Variants in PKHD1 observed in about 807,000 individuals in gnomAD.
The protein encoded by PKHD1 is PKHD1 ciliary IPT domain containing fibrocystin/polyductin, also known as fibrocystin.
PKHD1 carries 291 observed loss-of-function variants against 412.0 expected under a neutral mutation model. The ratio of observed to expected loss-of-function variants is 0.71; its 90% CI spans 0.64 to 0.78. PKHD1 has a LOEUF of 0.78. Among genes scored for constraint, PKHD1 ranks in the 30% least tolerant of loss-of-function variants. PKHD1 has a pLI of 0.00. For missense variants in PKHD1, 4,825 were observed against 4,950.7 expected, an observed-to-expected ratio of 0.97 and a Z score of 0.76; for synonymous variants, 1,777 against 1,821.5, an observed-to-expected ratio of 0.98 and a Z score of 0.62.
At chr6:51,896,418 C>A (rs573976413) in intron 43 of PKHD1, among the ~76,000 whole-genome samples, 7 of 152,010 alleles carry the variant, frequency 4.6e-5, no homozygotes, top group Non-Finnish European at 8.8e-5. Flanking sequence ...ACACCTCACA[C>A]GGCAGGGTAC....
At chr6:51,982,170 C>CT in intron 35 of PKHD1, among the ~76,000 whole-genome samples, 1 of 42,552 alleles carries the variant, frequency 2.4e-5, no homozygotes, top group African/African-American at 7.7e-5. Context: ...GCAGCCACCC[C>CT]GTCCGGGAGG....
chr6:52,042,859 C>G lies in PKHD1; in HGVS notation c.3097G>C (p.Gly1033Arg). The change falls in exon 27 of 67, where the codon GGA becomes CGA. Residue 1033 changes from glycine (G) to arginine (R), a missense_variant and splice_region_variant. Coordinates refer to ENST00000371117, the MANE Select transcript of PKHD1 (RefSeq NM_138694.4). ...TACTGTGAGACCCTCCCCAGATTAC[C>G]AATATCCGCAGCTCTGGAAGGCTCC... ...MVEPSRAADI[G>R]GLWATIRGSS... 1 of 1,613,572 alleles carries G rather than the reference C, an allele frequency of 6.2e-7. No individual in the cohort carries two copies. Among genetic ancestry groups the G allele is most frequent in the Non-Finnish European group, 8.5e-7 (1 of 1,179,700 alleles).
rs544124296 is a variant in PKHD1 at position 51,980,898 on chromosome 6, G to T, written c.5752-20872C>A. ...TAACAATACAGTCCACTTGAAGAAA[G>T]TAACTAGATTCCTTTAAATATCAAG... On this transcript the variant is annotated intron_variant, in intron 35 of 66. Coordinates refer to ENST00000371117, the MANE Select transcript of PKHD1 (RefSeq NM_138694.4). Among the ~76,000 whole-genome samples, 4 of 152,250 alleles carry T rather than the reference G, an allele frequency of 2.6e-5. No homozygotes were observed. In the South Asian group the frequency reaches 6.2e-4, roughly 24 times the overall value.
chr6:51,909,320 C>T lies in PKHD1; in HGVS notation c.6645G>A (p.Lys2215=), dbSNP rs1374205949. 1.2e-6 allele frequency: 2 copies of T among 1,613,412 alleles called. No individual in the cohort carries two copies. The highest frequency in any genetic ancestry group is 1.3e-5 in the African/African-American group (1 of 74,880). The part of the protein sequence containing the change: ...QFQVLGQAFH[K]HLSSLTLVGA... ...CCACCAGAGTGAGTGAGCTCAGATG[C>T]TTATGGAAGGCTTGCCCCAAGACTT... The change falls in exon 40 of 67, where the codon AAG becomes AAA. Residue 2215 remains lysine, a synonymous_variant. Transcript: ENST00000371117.
chr6:51,785,314 T>C (rs1334836739), intron 53 of PKHD1, among the ~76,000 whole-genome samples: 1 of 152,212 alleles, frequency 6.6e-6, no homozygotes, highest in East Asian at 1.9e-4. Flanking sequence ...AAAGGTTTGA[T>C]GCCATGACTC....
chr6:51,931,744 C>T (rs182408777), intron 37 of PKHD1, among the ~76,000 whole-genome samples: 1 of 152,122 alleles, frequency 6.6e-6, no homozygotes, highest in East Asian at 1.9e-4. Flanking sequence ...AGATCCTAGT[C>T]AATTCTCTGT....
chr6:51,790,499 T>C (rs1387247181), intron 53 of PKHD1, among the ~76,000 whole-genome samples: 1 of 152,172 alleles, frequency 6.6e-6, no homozygotes, highest in Non-Finnish European at 1.5e-5. Flanking sequence ...GTCCTTCCAC[T>C]AGCTACCCAG....
chr6:51,951,596 T>C (rs7757190), intron 36 of PKHD1, among the ~76,000 whole-genome samples: 20,815 of 152,150 alleles, frequency 0.14, 1,848 homozygotes, highest in Non-Finnish European at 0.2. Context: ...AAGCAAACAA[T>C]ACTTTTCTTA....
At chr6:51,955,855 G>A (rs1253349278) in intron 36 of PKHD1, among the ~76,000 whole-genome samples, 3 of 152,016 alleles carry the variant, frequency 2.0e-5, no homozygotes, top group Non-Finnish European at 2.9e-5. Flanking sequence ...ATCTAAGCCT[G>A]CAGATGGTAT....
At chr6:51,973,599 T>A (rs1002729044) in intron 35 of PKHD1, among the ~76,000 whole-genome samples, 1 of 152,132 alleles carries the variant, frequency 6.6e-6, no homozygotes, top group African/African-American at 2.4e-5. Context: ...AGTGCAATAG[T>A]TAACTACCTT....
chr6:52,028,046 A>G (rs1802485661), intron 30 of PKHD1, 110 bp downstream of exon 30: 1 of 1,253,976 alleles, frequency 8.0e-7, no homozygotes, highest in Non-Finnish European at 1.2e-6. Flanking sequence ...TCATGTCTTT[A>G]ACCTCTAACT....
intron 29 of PKHD1, among the ~76,000 whole-genome samples, chr6:52,030,899 G>A (rs1802941760): frequency 6.6e-6 from 1 of 152,234 alleles, no homozygotes. Context: ...TTTTGGCTAC[G>A]CTGAAAACAA....
chr6:52,038,374 C>CAAA (rs34413030), intron 27 of PKHD1, among the ~76,000 whole-genome samples: 1 of 111,558 alleles, frequency 9.0e-6, no homozygotes, highest in Non-Finnish European at 2.0e-5. Context: ...GACTCGGTCT[C>CAAA]AAAAAAAAAA....
chr6:51,718,921 A>C (rs1477377579), intron 60 of PKHD1, among the ~76,000 whole-genome samples: 1 of 152,134 alleles, frequency 6.6e-6, no homozygotes, highest in Non-Finnish European at 1.5e-5. Context: ...AAGTACCTAT[A>C]ATATGGCACA....
intron 37 of PKHD1, among the ~76,000 whole-genome samples, chr6:51,913,086 A>G (rs1413885111): frequency 2.0e-5 from 3 of 152,088 alleles, no homozygotes; most frequent in Admixed American, 6.6e-5. Context: ...TTTCTGTGTC[A>G]CACTGTTTGA....
chr6:51,940,968 C>T (rs1285752595), intron 36 of PKHD1, among the ~76,000 whole-genome samples: 1 of 151,398 alleles, frequency 6.6e-6, no homozygotes, highest in Non-Finnish European at 1.5e-5. Context: ...GAATTATCTG[C>T]TTCCCTCACT....
intron 3 of PKHD1, 47 bp from the exon 4 acceptor site, chr6:52,082,589 C>T: frequency 6.3e-7 from 1 of 1,592,362 alleles, no homozygotes; most frequent in Non-Finnish European, 8.6e-7. Context: ...TTGTCATTGA[C>T]ACAGGACAGT....
chr6:51,866,502 C>T (rs148828003), intron 48 of PKHD1, among the ~76,000 whole-genome samples: 9 of 152,080 alleles, frequency 5.9e-5, no homozygotes, highest in Non-Finnish European at 8.8e-5. Flanking sequence ...TCTCAAAGAG[C>T]AAATGCTCAA....
At chr6:52,017,363 G>T in intron 34 of PKHD1, 47 bp downstream of exon 34, 1 of 1,351,102 alleles carries the variant, frequency 7.4e-7, no homozygotes, top group Non-Finnish European at 1.1e-6. Flanking sequence ...TCGGTCCATT[G>T]GCCAAGCATT....
Sources: allele counts gnomAD v4.1 joint callset (sites outside exome capture counted in the v4.1 genomes callset), GRCh38; gene constraint gnomAD v4.1.1; transcripts MANE v1.5; gene names NCBI Gene and HGNC (gene_info 2026-07-23, HGNC 2026-07-21).